GPR137C: variants seen among roughly 807,000 people sequenced by gnomAD.
The protein encoded by GPR137C is integral membrane protein GPR137C.
GPR137C carries 27 observed loss-of-function variants against 43.4 expected under a neutral mutation model. The observed-to-expected ratio is 0.62, with a 90% CI of 0.46 to 0.86. GPR137C has a LOEUF of 0.86. GPR137C is among the 40% of genes least tolerant of loss of function. The pLI is 0.00. For missense variants in GPR137C, 522 were observed against 534.6 expected (o/e 0.98, Z 0.23); for synonymous variants, 285 against 226.9 (o/e 1.26, Z -2.30).
chr14:52,555,849 T>G (rs746650522), intron 1 of GPR137C, among the ~76,000 whole-genome samples: 4 of 152,202 alleles, frequency 2.6e-5, no homozygotes, highest in Non-Finnish European at 4.4e-5. Context: ...GTCAATTTTT[T>G]GAAAGCCTGT....
chr14:52,615,723 T>C (rs1348247734), intron 3 of GPR137C, among the ~76,000 whole-genome samples: 1 of 152,204 alleles, frequency 6.6e-6, no homozygotes, highest in Non-Finnish European at 1.5e-5. Flanking sequence ...TATTTGTGGC[T>C]ATTATAAATG....
At chr14:52,604,453 T>A (rs2038961390) in intron 3 of GPR137C, among the ~76,000 whole-genome samples, 1 of 151,878 alleles carries the variant, frequency 6.6e-6, no homozygotes, top group South Asian at 2.1e-4. Flanking sequence ...GCTTTTTTTT[T>A]TTTCTTGAGA....
At position 52,574,380 on chromosome 14, in the gene GPR137C, A is replaced by C. The variant is rs543229976; in HGVS notation, c.444+20789A>C. 4.6e-5 allele frequency among the ~76,000 whole-genome samples: 7 copies of C among 152,314 alleles called. No individual in the cohort carries two copies. The South Asian group carries it at 1.2e-3, about 27-fold the overall frequency. The stretch of plus-strand genomic sequence containing the variant: ...TGGCACATATACACCATGAAATACT[A>C]TGCAGCCATAAAAAAGGATGAGTTC... On this transcript the variant is annotated intron_variant, in intron 1 of 6. Transcript: ENST00000321662.
rs2140244207 is a variant in GPR137C, at chr14:52,553,214, C to T, written c.67C>T (p.Pro23Ser). 1 of 1,266,512 alleles carries T rather than the reference C, an allele frequency of 7.9e-7. No homozygotes were observed. Among genetic ancestry groups the T allele is most frequent in the South Asian group, 2.8e-5 (1 of 36,286 alleles). The allele number at this position is 1,266,512 out of a possible 1,614,324, so 78.5% of individuals were successfully genotyped here. A position where few individuals can be genotyped will look rare whatever the true frequency, so the allele number is the denominator to read the frequency against. ...CGCAGCCGGCCGCGAGCCCTCCACG[C>T]CCGGCGGGGGCAGCGGAGGCGGAGG... ...APAAGREPST[P>S]GGGSGGGGAV... The change falls in exon 1 of 7, where the codon CCC becomes TCC. Residue 23 changes from proline (P) to serine (S), a missense_variant. Physicochemically the swap from Pro to Ser is moderately conservative, Grantham distance 74 (BLOSUM62 -1). This residue lies in a region of GPR137C where 437 missense variants were observed against 425.7 expected (regional missense o/e 1.03). Transcript: ENST00000321662.
intron 3 of GPR137C, among the ~76,000 whole-genome samples, chr14:52,626,220 A>T (rs1052345149): frequency 1.3e-5 from 2 of 152,174 alleles, no homozygotes; most frequent in African/African-American, 2.4e-5. Flanking sequence ...GGACCAATCC[A>T]TGGATACTGA....
At position 52,553,132 on chromosome 14, in the gene GPR137C, G is replaced by A. The variant is rs2038106926; in HGVS notation, c.-16G>A. ...CCTTCCTTCCCGCGCTCGCTCGCCCGGCCCCCAGCCCCCTCATGAGGGTGT... is the reference window on the plus strand; with the variant it reads ...CCTTCCTTCCCGCGCTCGCTCGCCCAGCCCCCAGCCCCCTCATGAGGGTGT... On this transcript the variant is annotated 5_prime_UTR_variant, in exon 1 of 7. Coordinates refer to ENST00000321662, the MANE Select transcript of GPR137C (RefSeq NM_001099652.2). 8.6e-7 allele frequency: 1 copy of A among 1,162,948 alleles called. No homozygotes were observed. The highest frequency in any genetic ancestry group is 3.5e-4 in the Middle Eastern group (1 of 2,862). 72.0% of individuals were successfully genotyped at this position (1,162,948 alleles called of 1,614,324 possible).
intron 3 of GPR137C, among the ~76,000 whole-genome samples, chr14:52,604,828 T>C (rs2038966804): frequency 6.6e-6 from 1 of 152,134 alleles, no homozygotes; most frequent in Admixed American, 6.5e-5. Context: ...CTTCCCCCAG[T>C]GTATGTTCTG....
chr14:52,606,201 A>AT (rs2038982039), intron 3 of GPR137C, among the ~76,000 whole-genome samples: 1 of 152,024 alleles, frequency 6.6e-6, no homozygotes, highest in Non-Finnish European at 1.5e-5. Flanking sequence ...GGGGGACTTT[A>AT]TTACTGTTTT....
At chr14:52,632,010 T>TCA in intron 3 of GPR137C, 150 bp from the exon 4 acceptor site, 1 of 551,920 alleles carries the variant, frequency 1.8e-6, no homozygotes, top group South Asian at 2.8e-5. Context: ...GAATAGGAAT[T>TCA]GAAAAGCAAG....
At chr14:52,610,624 T>C (rs551278600) in intron 3 of GPR137C, among the ~76,000 whole-genome samples, 87 of 152,332 alleles carry the variant, frequency 5.7e-4, no homozygotes, top group African/African-American at 1.9e-3. Flanking sequence ...TATCCATAGT[T>C]TCAGGTATCC....
chr14:52,563,477 A>T (rs1269830708), intron 1 of GPR137C, among the ~76,000 whole-genome samples: 1 of 151,992 alleles, frequency 6.6e-6, no homozygotes, highest in African/African-American at 2.4e-5. Flanking sequence ...CCCTACACCT[A>T]TATGCATCAA....
chr14:52,581,230 T>C (rs2139484393), intron 1 of GPR137C, among the ~76,000 whole-genome samples: 1 of 147,294 alleles, frequency 6.8e-6, no homozygotes, highest in South Asian at 2.1e-4. Flanking sequence ...AACCATATGA[T>C]AGACATAGAA....
At chr14:52,634,835 G>T in intron 6 of GPR137C, 103 bp from the exon 7 acceptor site, 1 of 955,658 alleles carries the variant, frequency 1.0e-6, no homozygotes, top group Non-Finnish European at 1.6e-6. Flanking sequence ...GTATTTGAGT[G>T]CTAACTTTAT....
chr14:52,583,279 C>G (rs2038672630), intron 1 of GPR137C, among the ~76,000 whole-genome samples: 4 of 152,064 alleles, frequency 2.6e-5, no homozygotes, highest in Non-Finnish European at 5.9e-5. Flanking sequence ...TTTCATATTA[C>G]TAATTTTTAA....
intron 1 of GPR137C, among the ~76,000 whole-genome samples, chr14:52,595,227 C>A (rs1566615230): frequency 6.6e-6 from 1 of 152,170 alleles, no homozygotes; most frequent in Non-Finnish European, 1.5e-5. Context: ...GTAACCCGAC[C>A]TTTCTCTCTG....
At chr14:52,564,983 G>A (rs1373348265) in intron 1 of GPR137C, among the ~76,000 whole-genome samples, 3 of 152,018 alleles carry the variant, frequency 2.0e-5, no homozygotes, top group African/African-American at 7.2e-5. Context: ...CAGATGCCTA[G>A]AGGGACCTGA....
intron 1 of GPR137C, among the ~76,000 whole-genome samples, chr14:52,559,795 G>A (rs547575125): frequency 6.6e-6 from 1 of 152,252 alleles, no homozygotes; most frequent in Admixed American, 6.5e-5. Context: ...ATAGCTACAG[G>A]AAGTAATATT....
At position 52,569,651 on chromosome 14, in the gene GPR137C, G is replaced by A. The variant is rs142476809; in HGVS notation, c.444+16060G>A. Among the ~76,000 whole-genome samples the A allele has an allele frequency of 1.4e-3, 216 of 151,780 alleles. 2 individuals carry two copies. The highest frequency in any genetic ancestry group is 0.012 in the Admixed American group (177 of 15,246). Reference sequence around the variant, plus strand: ...TGAGAACTTCGTGAAGCATACACAAGTATCAATAGTCAAATCTATCAAGCA... The same window carrying A: ...TGAGAACTTCGTGAAGCATACACAAATATCAATAGTCAAATCTATCAAGCA... On this transcript the variant is annotated intron_variant, in intron 1 of 6. Transcript: ENST00000321662.
chr14:52,562,420 C>T (rs1445759121), intron 1 of GPR137C, among the ~76,000 whole-genome samples: 2 of 152,086 alleles, frequency 1.3e-5, no homozygotes, highest in African/African-American at 2.4e-5. Flanking sequence ...ATTTCATAGT[C>T]TACATTCTCA....
Sources: allele counts gnomAD v4.1 joint callset (sites outside exome capture counted in the v4.1 genomes callset), GRCh38; gene constraint gnomAD v4.1.1; regional missense constraint gnomAD v4.1.1; transcripts MANE v1.5; gene names NCBI Gene and HGNC (gene_info 2026-07-23, HGNC 2026-07-21).